Variants in SLC5A12 observed in about 807,000 individuals in gnomAD.
The protein encoded by SLC5A12 is sodium-coupled monocarboxylate transporter 2.
SLC5A12 carries 46 observed loss-of-function variants against 72.7 expected under a neutral mutation model. The observed-to-expected ratio is 0.63, with a 90% CI of 0.50 to 0.81. The LOEUF is 0.81. SLC5A12 is among the 30% of genes least tolerant of loss of function. The probability of loss-of-function intolerance (pLI) is 0.00; values close to 1 mark genes in which losing one functional copy is unlikely to be tolerated. For synonymous variants in SLC5A12, 275 were observed against 264.4 expected (o/e 1.04, Z -0.39); for missense variants, 683 against 740.7 (o/e 0.92, Z 0.90).
chr11:26,668,748 TGTC>T lies in SLC5A12; in HGVS notation c.*2351_*2353del, dbSNP rs990594436. On this transcript the variant is annotated 3_prime_UTR_variant, in exon 15 of 15. Coordinates refer to ENST00000396005, the MANE Select transcript of SLC5A12 (RefSeq NM_178498.4). ...CATTGACCTCTAAAATCTCTTGAAA[TGTC>T]ATCTCCTAATGCCATAAATTTCATT... 5.3e-5 allele frequency: 8 copies of T among 152,118 alleles called. No individual in the cohort carries two copies. Among genetic ancestry groups the T allele is most frequent in the African/African-American group, 1.9e-4 (8 of 41,538 alleles). The allele number at this position is 152,118 out of a possible 1,614,324, so 9.4% of individuals were successfully genotyped here.
chr11:26,697,923 G>T (rs1312660591), intron 7 of SLC5A12, among the ~76,000 whole-genome samples: 1 of 128,916 alleles, frequency 7.8e-6, no homozygotes, highest in African/African-American at 3.0e-5. Flanking sequence ...TTGAGACGGA[G>T]TCTCACTCTT....
chr11:26,684,525 C>T (rs1221344072), intron 10 of SLC5A12, among the ~76,000 whole-genome samples: 1 of 152,098 alleles, frequency 6.6e-6, no homozygotes, highest in African/African-American at 2.4e-5. Context: ...GCCATCATGC[C>T]TCTCCTAGGA....
intron 1 of SLC5A12, among the ~76,000 whole-genome samples, chr11:26,713,276 C>T (rs61877328): frequency 0.059 from 8,928 of 152,182 alleles, 372 homozygotes; most frequent in Non-Finnish European, 0.084. Context: ...TTGTCGGATC[C>T]ACGCCCTCCC....
intron 8 of SLC5A12, among the ~76,000 whole-genome samples, chr11:26,694,767 T>C (rs1854769413): frequency 1.3e-5 from 2 of 152,184 alleles, no homozygotes; most frequent in African/African-American, 4.8e-5. Context: ...TTTACCAAAA[T>C]ATACCACTCA....
At position 26,681,158 on chromosome 11, in the gene SLC5A12, T is replaced by G. The variant is rs771543111; in HGVS notation, c.1372A>C (p.Ile458Leu). 1 of 1,611,990 alleles carries G rather than the reference T, an allele frequency of 6.2e-7. No individual in the cohort carries two copies. Among genetic ancestry groups the G allele is most frequent in the Non-Finnish European group, 8.5e-7 (1 of 1,179,082 alleles). The part of the protein sequence containing the change: ...LSFWVAIGAF[I>L]YPAPASKTWP... ...GTCTTAGAGGCTGGTGCAGGGTAAA[T>G]GAAGGCCCCAATGGCCACCCAAAAT... The change falls in exon 12 of 15, where the codon ATT becomes CTT. Residue 458 changes from isoleucine to leucine, a missense_variant. Coordinates refer to ENST00000396005, the MANE Select transcript of SLC5A12 (RefSeq NM_178498.4).
chr11:26,679,373 TAAG>T (rs1403075653), intron 12 of SLC5A12, among the ~76,000 whole-genome samples: 3 of 152,092 alleles, frequency 2.0e-5, no homozygotes, highest in African/African-American at 7.2e-5. Context: ...ATTAGCATTC[TAAG>T]AAGAGAATAC....
In SLC5A12 at chr11:26,681,047, C is replaced by A; in HGVS notation, c.1475+8G>T. On this transcript the variant is annotated splice_region_variant and intron_variant, in intron 12 of 14. Coordinates refer to ENST00000396005, the MANE Select transcript of SLC5A12 (RefSeq NM_178498.4). ...TGGGACTTAGCACCATCTATAAAGT[C>A]AGCATACCTGCTGGATAGTACTGGA... 6.3e-7 allele frequency: 1 copy of A among 1,582,598 alleles called. No individual in the cohort carries two copies. The highest frequency in any genetic ancestry group is 8.6e-7 in the Non-Finnish European group (1 of 1,164,634).
chr11:26,680,254 CATTT>C (rs139938769), intron 12 of SLC5A12, among the ~76,000 whole-genome samples: 5,768 of 108,714 alleles, frequency 0.053, 248 homozygotes, highest in East Asian at 0.1. Flanking sequence ...TGAGAGTGAA[CATTT>C]ATTAAAGTCA....
rs1336724709 is a variant in SLC5A12, at chr11:26,695,605, T to C, written c.1040+1559A>G. On this transcript the variant is annotated intron_variant, in intron 8 of 14. Transcript: ENST00000396005. ...TCAAAAATGTCATTAATAAAGCAAATAGACAATGAACAAATGAGAAAAAAA... is the reference window on the plus strand; with the variant it reads ...TCAAAAATGTCATTAATAAAGCAAACAGACAATGAACAAATGAGAAAAAAA... Among the ~76,000 whole-genome samples the C allele has an allele frequency of 8.6e-5, 13 of 151,946 alleles. No individual in the cohort carries two copies. The South Asian group carries it at 2.5e-3, about 29-fold the overall frequency.
rs1384889975 is a variant in SLC5A12, at chr11:26,686,540, G to A, written c.1158C>T (p.Leu386=). ...TAGAGGTACACATCACGCCAAATAA[G>A]AGACCTGAAAGAAAGAAAAATTACA... is the stretch of plus-strand genomic sequence containing the variant. ...LSTWISKGLC[L]LFGVMCTSMA... is the part of the protein sequence containing the mutation. Residue 386 remains leucine (L), a synonymous_variant, in exon 10 of 15, where the codon CTC becomes CTT. Transcript: ENST00000396005. 6.2e-7 allele frequency: 1 copy of A among 1,613,654 alleles called. No homozygotes were observed. The highest frequency in any genetic ancestry group is 1.7e-5 in the Admixed American group (1 of 59,968).
chr11:26,674,424 G>A (rs1854219156), intron 13 of SLC5A12, among the ~76,000 whole-genome samples: 1 of 151,302 alleles, frequency 6.6e-6, no homozygotes, highest in Admixed American at 6.6e-5. Flanking sequence ...GTATGAGACA[G>A]AGTCTCATGC....
chr11:26,681,287 T>G, intron 11 of SLC5A12, 66 bp from the exon 12 acceptor site: 4 of 1,333,292 alleles, frequency 3.0e-6, no homozygotes, highest in Non-Finnish European at 4.0e-6. Context: ...AATAATGAGA[T>G]GAGGAGTTCT....
chr11:26,692,733 G>A (rs1222419781), intron 8 of SLC5A12, 132 bp from the exon 9 acceptor site: 16 of 606,978 alleles, frequency 2.6e-5, no homozygotes, highest in Non-Finnish European at 4.4e-5. Context: ...TCTATCTTCT[G>A]AGACTCCATG....
intron 3 of SLC5A12, among the ~76,000 whole-genome samples, chr11:26,709,904 C>G (rs146120240): frequency 9.2e-5 from 14 of 152,068 alleles, no homozygotes; most frequent in African/African-American, 3.1e-4. Flanking sequence ...GGAAAACAAT[C>G]CTTTTATTGA....
chr11:26,721,672 C>T lies in SLC5A12; in HGVS notation c.43G>A (p.Ala15Thr). The T allele has an allele frequency of 6.2e-7, 1 of 1,614,076 alleles. No homozygotes were observed. The highest frequency in any genetic ancestry group is 8.5e-7 in the Non-Finnish European group (1 of 1,180,010). The change falls in exon 1 of 15, where the codon GCA becomes ACA. Residue 15 changes from alanine (A) to threonine (T), a missense_variant. Transcript: ENST00000396005. The part of the protein sequence containing the change: ...NFAVWDYVVF[A>T]ALFFISSGIG... ...CCAGAGGAAATGAAAAAGAGGGCTGCAAATACAACATAATCCCAAACTGCA... is the reference window on the plus strand; with the variant it reads ...CCAGAGGAAATGAAAAAGAGGGCTGTAAATACAACATAATCCCAAACTGCA...
intron 1 of SLC5A12, among the ~76,000 whole-genome samples, chr11:26,713,469 T>C (rs926901880): frequency 6.6e-6 from 1 of 152,154 alleles, no homozygotes; most frequent in African/African-American, 2.4e-5. Flanking sequence ...GAAGGAAAAG[T>C]AAATACATTC....
At chr11:26,715,557 A>G (rs552803187) in intron 1 of SLC5A12, among the ~76,000 whole-genome samples, 1 of 152,258 alleles carries the variant, frequency 6.6e-6, no homozygotes, top group Non-Finnish European at 1.5e-5. Context: ...TCACGTTGCC[A>G]CTTGTCTATC....
intron 9 of SLC5A12, chr11:26,691,669 T>A (rs866974669): frequency 5.9e-5 from 9 of 152,302 alleles, no homozygotes; most frequent in Middle Eastern, 6.8e-3. Flanking sequence ...TAGATAGATA[T>A]AATTTTATTT....
Position 26,712,693 on chromosome 11 carries a change from C to A in SLC5A12, c.353G>T (p.Arg118Leu). The A allele has an allele frequency of 6.3e-7, 1 of 1,586,788 alleles. No homozygotes were observed. Residue 118 changes from arginine (R) to leucine (L), a missense_variant, in exon 2 of 15, where the codon CGA becomes CTA. By Grantham distance (102) the Arg-to-Leu change is moderately radical. Coordinates refer to ENST00000396005, the MANE Select transcript of SLC5A12 (RefSeq NM_178498.4). Reference sequence around the variant, plus strand: ...AGCATAGCGAACTGGTTTGTTGAATCGTAGTTGTAAGTACTAAAGGAAACA... The same window carrying A: ...AGCATAGCGAACTGGTTTGTTGAATAGTAGTTGTAAGTACTAAAGGAAACA... ...ITSTYEYLQLRFNKPVRYAAT... is the reference protein window; with the variant it reads ...ITSTYEYLQLLFNKPVRYAAT...
Sources: gnomAD v4.1 joint callset for allele counts (sites outside exome capture counted in the v4.1 genomes callset) on GRCh38, gnomAD v4.1.1 for gene constraint, MANE v1.5 for transcripts, NCBI Gene and HGNC (gene_info 2026-07-23, HGNC 2026-07-21) for gene names.